Variants in FNDC3B observed in about 807,000 individuals in gnomAD.
FNDC3B encodes the protein fibronectin type III domain-containing protein 3B.
In FNDC3B, 12 loss-of-function variants were observed where a neutral mutation model predicts 151.5. The observed-to-expected ratio is 0.08, with a 90% CI of 0.05 to 0.13. FNDC3B has a LOEUF of 0.13. FNDC3B is among the 10% of genes least tolerant of loss of function. The pLI, the probability that FNDC3B is intolerant of heterozygous loss-of-function variation, is 1.00. For synonymous variants in FNDC3B, 528 were observed against 549.0 expected, an observed-to-expected ratio of 0.96 and a Z score of 0.54; for missense variants, 1,214 against 1,505.3, an observed-to-expected ratio of 0.81 and a Z score of 3.20.
chr3:172,111,096 T>TAA (rs1240844592), intron 1 of FNDC3B, among the ~76,000 whole-genome samples: 72 of 104,758 alleles, frequency 6.9e-4, no homozygotes, highest in African/African-American at 2.0e-3. Context: ...GAGACTCCAT[T>TAA]AAAAAAAAAA....
chr3:172,220,167 C>CTG (rs35182544), intron 3 of FNDC3B, among the ~76,000 whole-genome samples: 3,310 of 151,304 alleles, frequency 0.022, 47 homozygotes, highest in African/African-American at 0.032. Context: ...TTGTTATTTT[C>CTG]TGTGTGTGTG....
chr3:172,138,285 G>T (rs1191494491), intron 3 of FNDC3B, among the ~76,000 whole-genome samples: 1 of 152,194 alleles, frequency 6.6e-6, no homozygotes, highest in African/African-American at 2.4e-5. Flanking sequence ...ACAGGAAACA[G>T]TGTATCTTCA....
chr3:172,219,390 T>C (rs773567518), intron 3 of FNDC3B, among the ~76,000 whole-genome samples: 4 of 152,210 alleles, frequency 2.6e-5, no homozygotes, highest in Non-Finnish European at 5.9e-5. Context: ...CAGTTGCTGT[T>C]TTGTAGCTTG....
chr3:172,291,411 G>A (rs185419923), intron 7 of FNDC3B, among the ~76,000 whole-genome samples: 9 of 148,524 alleles, frequency 6.1e-5, no homozygotes, highest in Admixed American at 3.3e-4. Context: ...CCCTTTTATA[G>A]CAGTTATTGA....
intron 3 of FNDC3B, chr3:172,186,865 A>G (rs1396972954): frequency 3.2e-6 from 2 of 615,672 alleles, no homozygotes; most frequent in East Asian, 5.7e-5. Flanking sequence ...GAAGTGGATT[A>G]AGTGGCCCAC....
chr3:172,304,002 T>C (rs1731066264), intron 9 of FNDC3B, among the ~76,000 whole-genome samples: 2 of 152,202 alleles, frequency 1.3e-5, no homozygotes, highest in Non-Finnish European at 2.9e-5. Flanking sequence ...TTGTTTAAGA[T>C]TAAAGGCAAG....
chr3:172,240,660 C>T (rs1727447653), intron 4 of FNDC3B, among the ~76,000 whole-genome samples: 1 of 152,094 alleles, frequency 6.6e-6, no homozygotes, highest in Non-Finnish European at 1.5e-5. Flanking sequence ...CATGCTGTGC[C>T]TTGGTTTTCT....
intron 6 of FNDC3B, among the ~76,000 whole-genome samples, chr3:172,271,027 T>C (rs1228918064): frequency 6.6e-6 from 1 of 152,208 alleles, no homozygotes; most frequent in Non-Finnish European, 1.5e-5. Flanking sequence ...GCCTTTCCTA[T>C]AAATGTGGTC....
In FNDC3B at chr3:172,290,555, A is replaced by G. The variant is rs73031394; in HGVS notation, c.849+4571A>G. Among the ~76,000 whole-genome samples, 1,289 of 152,280 alleles carry G rather than the reference A, an allele frequency of 8.5e-3. 24 individuals carry two copies. Among genetic ancestry groups the G allele is most frequent in the African/African-American group, 0.029 (1,218 of 41,546 alleles). On this transcript the variant is annotated intron_variant, in intron 7 of 25. Transcript: ENST00000415807. Reference sequence around the variant, plus strand: ...GACTGGTGGGCTGTTTATTTTCAGGATATAAATAATGTAACCTGGAATTGT... The same window carrying G: ...GACTGGTGGGCTGTTTATTTTCAGGGTATAAATAATGTAACCTGGAATTGT...
intron 3 of FNDC3B, among the ~76,000 whole-genome samples, chr3:172,150,162 T>G (rs1722148123): frequency 1.3e-5 from 2 of 152,082 alleles, no homozygotes; most frequent in African/African-American, 4.8e-5. Flanking sequence ...GGCTGCATGT[T>G]TGAATAGCTA....
At chr3:172,152,234 T>C (rs750920202) in intron 3 of FNDC3B, among the ~76,000 whole-genome samples, 1 of 152,220 alleles carries the variant, frequency 6.6e-6, no homozygotes, top group Non-Finnish European at 1.5e-5. Context: ...TGTGTGGTTT[T>C]CTCCCTTTAC....
chr3:172,125,848 G>C (rs908445602), intron 2 of FNDC3B, among the ~76,000 whole-genome samples: 2 of 152,128 alleles, frequency 1.3e-5, no homozygotes, highest in African/African-American at 4.8e-5. Flanking sequence ...CAGTGATACC[G>C]TACCGGGTTG....
rs980362280 is a variant in FNDC3B at position 172,352,527 on chromosome 3, A to G, written c.2515-276A>G. Among the ~76,000 whole-genome samples the G allele has an allele frequency of 2.0e-5, 3 of 152,212 alleles. No homozygotes were observed. Reference sequence around the variant, plus strand: ...TTATGAAGATCGTGTAAGATGATGTATAAACTGAAATAGGTCATGCAAATA... The same window carrying G: ...TTATGAAGATCGTGTAAGATGATGTGTAAACTGAAATAGGTCATGCAAATA... On this transcript the variant is annotated intron_variant, in intron 21 of 25. Coordinates refer to ENST00000415807, the MANE Select transcript of FNDC3B (RefSeq NM_022763.4). The surrounding 1 kb of genome is among the most constrained non-coding windows in gnomAD (Gnocchi z 4.2).
chr3:172,230,396 C>T, intron 4 of FNDC3B, among the ~76,000 whole-genome samples: 1 of 150,166 alleles, frequency 6.7e-6, no homozygotes, highest in Non-Finnish European at 1.5e-5. Flanking sequence ...CCCAGCTACT[C>T]AGGAGGCTGA....
At chr3:172,164,792 TA>T (rs1722931786) in intron 3 of FNDC3B, among the ~76,000 whole-genome samples, 1 of 152,230 alleles carries the variant, frequency 6.6e-6, no homozygotes, top group Admixed American at 6.5e-5. Context: ...ACAAGTAATA[TA>T]TCATCCTGTC....
chr3:172,254,861 G>A (rs1021039148), intron 6 of FNDC3B, among the ~76,000 whole-genome samples: 2 of 152,090 alleles, frequency 1.3e-5, no homozygotes, highest in South Asian at 4.2e-4. Context: ...TTAGAATTGG[G>A]CTTTGTTACT....
chr3:172,257,062 C>T (rs1728384861), intron 6 of FNDC3B, among the ~76,000 whole-genome samples: 1 of 152,094 alleles, frequency 6.6e-6, no homozygotes, highest in African/African-American at 2.4e-5. Context: ...AGGCACCTGC[C>T]ACCATGCCTG....
At chr3:172,104,000 A>G (rs1274650001) in intron 1 of FNDC3B, among the ~76,000 whole-genome samples, 1 of 152,122 alleles carries the variant, frequency 6.6e-6, no homozygotes, top group Non-Finnish European at 1.5e-5. Context: ...GCTGTATAGA[A>G]CTCAGCTGTA....
At chr3:172,328,905 G>GTTTTTTT in intron 11 of FNDC3B, 47 bp from the exon 12 acceptor site, 1 of 1,106,812 alleles carries the variant, frequency 9.0e-7, no homozygotes, top group African/African-American at 1.6e-5. Context: ...GTTATCTGTT[G>GTTTTTTT]TTTTTTTTTT....
Sources: allele counts gnomAD v4.1 joint callset (sites outside exome capture counted in the v4.1 genomes callset), GRCh38; gene constraint gnomAD v4.1.1; non-coding constraint Gnocchi (gnomAD v3.1); transcripts MANE v1.5; gene names NCBI Gene and HGNC (gene_info 2026-07-23, HGNC 2026-07-21).